The following EPHA6 variants were observed in gnomAD, a reference collection of about 807,000 sequenced individuals.
EPHA6 encodes the protein EPH receptor A6.
Under a neutral mutation model 112.0 loss-of-function variants are expected in EPHA6, and 50 were observed. The ratio of observed to expected loss-of-function variants is 0.45; its 90% CI spans 0.36 to 0.56. The LOEUF is 0.56. EPHA6 is among the 20% of genes least tolerant of loss of function. EPHA6 has a pLI of 0.00. For missense variants in EPHA6, 1,280 were observed against 1,417.4 expected, an observed-to-expected ratio of 0.90 and a Z score of 1.56; for synonymous variants, 529 against 490.7, an observed-to-expected ratio of 1.08 and a Z score of -1.03.
At chr3:96,819,881 A>G (rs1012716757) in intron 1 of EPHA6, among the ~76,000 whole-genome samples, 1 of 152,150 alleles carries the variant, frequency 6.6e-6, no homozygotes, top group East Asian at 1.9e-4. Flanking sequence ...GGGTAAGTAA[A>G]TAAAACAATA....
At chr3:97,665,899 C>T (rs1035460366) in intron 14 of EPHA6, among the ~76,000 whole-genome samples, 2 of 151,950 alleles carry the variant, frequency 1.3e-5, no homozygotes, top group African/African-American at 4.8e-5. Context: ...CTAAGAAAAA[C>T]ACAAAAAATT....
intron 3 of EPHA6, among the ~76,000 whole-genome samples, chr3:97,027,230 C>A (rs572210935): frequency 7.2e-4 from 109 of 152,014 alleles, no homozygotes; most frequent in Non-Finnish European, 1.3e-3. Flanking sequence ...TAAGTGGGAG[C>A]TAAATTATGA....
chr3:97,324,477 TTCGTC>T (rs2082313205), intron 5 of EPHA6, among the ~76,000 whole-genome samples: 6 of 93,236 alleles, frequency 6.4e-5, no homozygotes, highest in South Asian at 6.4e-4. Flanking sequence ...TTCTTTTTCT[TTCGTC>T]TCTTTCTCTT....
At chr3:96,873,041 G>A (rs184922581) in intron 2 of EPHA6, among the ~76,000 whole-genome samples, 264 of 152,054 alleles carry the variant, frequency 1.7e-3, no homozygotes, top group Non-Finnish European at 3.1e-3. Context: ...GCCGAGGTGG[G>A]TGGATCACCT....
At chr3:97,588,204 T>A (rs1054924284) in intron 11 of EPHA6, among the ~76,000 whole-genome samples, 35 of 152,090 alleles carry the variant, frequency 2.3e-4, no homozygotes, top group African/African-American at 8.0e-4. Context: ...ACTCTGTTGG[T>A]ATACCCCCCT....
At chr3:97,566,794 A>G (rs772407669) in intron 11 of EPHA6, among the ~76,000 whole-genome samples, 4 of 152,128 alleles carry the variant, frequency 2.6e-5, no homozygotes, top group Non-Finnish European at 5.9e-5. Context: ...AGCTTTTTCT[A>G]TATGGACACC....
In EPHA6 at chr3:97,365,610, G is replaced by A. The variant is rs538630058; in HGVS notation, c.1607-39540G>A. ...TCACCATGTTGGCCAGGATGGTCTCGATCTCCTGACCTCGTGATCCACCTG... is the reference window on the plus strand; with the variant it reads ...TCACCATGTTGGCCAGGATGGTCTCAATCTCCTGACCTCGTGATCCACCTG... On this transcript the variant is annotated intron_variant, in intron 5 of 17. Coordinates refer to ENST00000389672, the MANE Select transcript of EPHA6 (RefSeq NM_001080448.3). Among the ~76,000 whole-genome samples, 173 of 152,126 alleles carry A rather than the reference G, an allele frequency of 1.1e-3. 1 individual carries two copies. The highest frequency in any genetic ancestry group is 3.7e-3 in the African/African-American group (155 of 41,502).
chr3:97,155,810 A>G (rs2076275777), intron 3 of EPHA6, among the ~76,000 whole-genome samples: 1 of 152,128 alleles, frequency 6.6e-6, no homozygotes, highest in Non-Finnish European at 1.5e-5. Flanking sequence ...CAGAGCCAGC[A>G]ACACCACACA....
At chr3:97,645,801 T>G (rs2094056004) in intron 14 of EPHA6, among the ~76,000 whole-genome samples, 1 of 152,218 alleles carries the variant, frequency 6.6e-6, no homozygotes, top group Non-Finnish European at 1.5e-5. Context: ...ATAACTTTCT[T>G]TGAACGTATA....
chr3:97,211,824 A>G (rs1016393246), intron 3 of EPHA6, among the ~76,000 whole-genome samples: 8 of 152,204 alleles, frequency 5.3e-5, no homozygotes, highest in Non-Finnish European at 1.2e-4. Context: ...CTAAAGAAAC[A>G]GAACTCAAAC....
At chr3:96,907,835 A>G (rs1324243393) in intron 2 of EPHA6, among the ~76,000 whole-genome samples, 7 of 151,946 alleles carry the variant, frequency 4.6e-5, no homozygotes, top group African/African-American at 1.7e-4. Context: ...ACATAGGTTA[A>G]GATTAGCTTT....
At chr3:97,187,638 AAAAGAGAGAGAGAAAGAAAGAAAGG>A (rs1368052554) in intron 3 of EPHA6, among the ~76,000 whole-genome samples, 3 of 148,812 alleles carry the variant, frequency 2.0e-5, no homozygotes, top group African/African-American at 7.5e-5. Context: ...GGAAGAAAGA[AAAAGAGAGAGAGAAAGAAAGAAAGG>A]AAAGAAAGAA....
intron 17 of EPHA6, 42 bp downstream of exon 17, chr3:97,747,614 T>G (rs572166209): frequency 6.6e-7 from 1 of 1,517,744 alleles, no homozygotes; most frequent in Non-Finnish European, 8.8e-7. Context: ...GATGTCCTGC[T>G]GGGGATTATA....
intron 1 of EPHA6, among the ~76,000 whole-genome samples, chr3:96,833,248 G>C (rs2034198906): frequency 1.3e-5 from 2 of 150,240 alleles, no homozygotes; most frequent in African/African-American, 4.9e-5. Flanking sequence ...ATGTACACAA[G>C]TGGAATGACC....
intron 14 of EPHA6, among the ~76,000 whole-genome samples, chr3:97,698,423 G>A (rs896246405): frequency 9.0e-5 from 12 of 133,704 alleles, no homozygotes; most frequent in African/African-American, 3.4e-4. Flanking sequence ...TTTTTTTTTT[G>A]TAAAACCGTA....
chr3:97,362,690 G>A (rs1488096552), intron 5 of EPHA6, among the ~76,000 whole-genome samples: 21 of 151,774 alleles, frequency 1.4e-4, no homozygotes, highest in South Asian at 2.1e-4. Flanking sequence ...GTACCCTGTG[G>A]GTTAATTGAA....
At chr3:97,737,775 C>T (rs1263977150) in intron 16 of EPHA6, among the ~76,000 whole-genome samples, 1 of 151,896 alleles carries the variant, frequency 6.6e-6, no homozygotes, top group Non-Finnish European at 1.5e-5. Flanking sequence ...GAAGCTTTAA[C>T]TGTAGTTAAG....
chr3:97,138,470 C>T (rs1421027049), intron 3 of EPHA6, among the ~76,000 whole-genome samples: 1 of 152,222 alleles, frequency 6.6e-6, no homozygotes, highest in African/African-American at 2.4e-5. Flanking sequence ...GCCTATCCCT[C>T]CCAAGACTGC....
chr3:97,035,946 G>A (rs181220675), intron 3 of EPHA6, among the ~76,000 whole-genome samples: 1 of 152,040 alleles, frequency 6.6e-6, no homozygotes, highest in East Asian at 1.9e-4. Flanking sequence ...ATTAGGTCAT[G>A]AAGAAATGAA....
Sources: gnomAD v4.1 joint callset for allele counts (sites outside exome capture counted in the v4.1 genomes callset) on GRCh38, gnomAD v4.1.1 for gene constraint, MANE v1.5 for transcripts, NCBI Gene and HGNC (gene_info 2026-07-23, HGNC 2026-07-21) for gene names.